The following RALGPS1 variants were observed in gnomAD, a reference collection of about 807,000 sequenced individuals.
RALGPS1 encodes ras-specific guanine nucleotide-releasing factor RalGPS1.
In RALGPS1, 19 loss-of-function variants were observed where a neutral mutation model predicts 78.8. The observed-to-expected ratio is 0.24, with a 90% CI of 0.17 to 0.35. RALGPS1 has a LOEUF of 0.35. RALGPS1 is among the 10% of genes least tolerant of loss of function. The pLI, the probability that RALGPS1 is intolerant of heterozygous loss-of-function variation, is 1.00. For missense variants in RALGPS1, 454 were observed against 688.3 expected (o/e 0.66, Z 3.81); for synonymous variants, 228 against 256.3 (o/e 0.89, Z 1.06).
chr9:126,918,535 C>G (rs193274669), intron 1 of RALGPS1, among the ~76,000 whole-genome samples: 28 of 152,202 alleles, frequency 1.8e-4, no homozygotes, highest in African/African-American at 6.5e-4. Context: ...GTTGCCCAGG[C>G]TGGTCTCGAA....
At chr9:126,989,205 A>G (rs2042064066) in intron 4 of RALGPS1, among the ~76,000 whole-genome samples, 1 of 152,160 alleles carries the variant, frequency 6.6e-6, no homozygotes. Context: ...AGGATTTCAG[A>G]GTTCAGGGTC....
intron 8 of RALGPS1, among the ~76,000 whole-genome samples, chr9:127,074,494 A>C (rs2050505131): frequency 6.6e-6 from 1 of 152,190 alleles, no homozygotes; most frequent in Admixed American, 6.5e-5. Context: ...ATCACACCTG[A>C]GGCTCATCAA....
intron 12 of RALGPS1, among the ~76,000 whole-genome samples, chr9:127,195,964 C>T (rs2061330319): frequency 1.3e-5 from 2 of 152,236 alleles, no homozygotes; most frequent in Non-Finnish European, 2.9e-5. Flanking sequence ...GTGCTAGACA[C>T]TCTGCATATG....
intron 8 of RALGPS1, among the ~76,000 whole-genome samples, chr9:127,072,743 G>A (rs1399356900): frequency 1.3e-5 from 2 of 152,100 alleles, no homozygotes; most frequent in Non-Finnish European, 1.5e-5. Context: ...AGAAATATAT[G>A]TTACAGTCCC....
Position 126,948,037 on chromosome 9 carries a change from A to G in RALGPS1, c.-65-14188A>G, listed in dbSNP as rs866524540. 5.7e-4 allele frequency among the ~76,000 whole-genome samples: 87 copies of G among 152,228 alleles called. 1 individual carries two copies. Among genetic ancestry groups the G allele is most frequent in the Admixed American group, 3.9e-4 (6 of 15,292 alleles). ...TTTCCCTTTATATTTATATCCCTGT[A>G]TATCCACACATATCAGAGTATCTGT... On this transcript the variant is annotated intron_variant, in intron 1 of 18. Coordinates refer to ENST00000259351, the MANE Select transcript of RALGPS1 (RefSeq NM_014636.3).
At chr9:127,025,904 T>C (rs940988020) in intron 4 of RALGPS1, among the ~76,000 whole-genome samples, 17 of 152,206 alleles carry the variant, frequency 1.1e-4, no homozygotes, top group African/African-American at 4.1e-4. Flanking sequence ...AGGGTTGCAC[T>C]ATATTGCCAG....
intron 5 of RALGPS1, among the ~76,000 whole-genome samples, chr9:127,048,203 C>T (rs1489212704): frequency 2.0e-5 from 3 of 152,068 alleles, no homozygotes; most frequent in East Asian, 1.9e-4. Context: ...CCACCCTCAT[C>T]GTCACTCACA....
intron 1 of RALGPS1, among the ~76,000 whole-genome samples, chr9:126,924,240 T>C (rs1488696669): frequency 1.1e-4 from 17 of 152,226 alleles, no homozygotes; most frequent in Admixed American, 7.9e-4. Flanking sequence ...GATGAAAGTG[T>C]CTGCTTCAGG....
At chr9:127,074,522 TG>T (rs1333036878) in intron 8 of RALGPS1, among the ~76,000 whole-genome samples, 9 of 152,200 alleles carry the variant, frequency 5.9e-5, no homozygotes, top group Admixed American at 1.3e-4. Context: ...ACAACGTTGA[TG>T]GTACTACCGT....
intron 3 of RALGPS1, among the ~76,000 whole-genome samples, chr9:126,973,373 A>G (rs1293549709): frequency 6.6e-6 from 1 of 152,128 alleles, no homozygotes; most frequent in Non-Finnish European, 1.5e-5. Context: ...CTCTCTCTAA[A>G]ATAGGTAGGT....
intron 5 of RALGPS1, among the ~76,000 whole-genome samples, chr9:127,043,788 T>G (rs2047521448): frequency 6.6e-6 from 1 of 152,114 alleles, no homozygotes; most frequent in Non-Finnish European, 1.5e-5. Context: ...GGGCAAAAGA[T>G]CTGAAGAAAG....
intron 11 of RALGPS1, chr9:127,178,239 G>A: frequency 2.7e-6 from 1 of 377,028 alleles, no homozygotes; most frequent in Non-Finnish European, 4.8e-6. Context: ...CCTTTCATTG[G>A]CCAAATCCAA....
At chr9:126,917,790 A>G (rs936923002) in intron 1 of RALGPS1, among the ~76,000 whole-genome samples, 2 of 152,158 alleles carry the variant, frequency 1.3e-5, no homozygotes, top group Non-Finnish European at 2.9e-5. Context: ...TGAGGCCTCT[A>G]TTTTTTATGT....
intron 4 of RALGPS1, among the ~76,000 whole-genome samples, chr9:126,980,499 C>A (rs368651792): frequency 3.3e-5 from 5 of 152,348 alleles, no homozygotes; most frequent in East Asian, 1.9e-4. Flanking sequence ...TTTGACTGGG[C>A]ACCCTAGTGG....
rs978651465 is a variant in RALGPS1, at chr9:127,212,805, A to C, written c.1446+86A>C. 1.3e-6 allele frequency: 2 copies of C among 1,532,942 alleles called. No homozygotes were observed. Among genetic ancestry groups the C allele is most frequent in the African/African-American group, 1.4e-5 (1 of 72,792 alleles). 95.0% of individuals were successfully genotyped at this position (1,532,942 alleles called of 1,614,324 possible). On this transcript the variant is annotated intron_variant, in intron 16 of 18. Coordinates refer to ENST00000259351, the MANE Select transcript of RALGPS1 (RefSeq NM_014636.3). This position sits in a 1 kb window ranked among gnomAD's most constrained non-coding sequence, Gnocchi z 6.0. ...GAACTGTGGAGGATGGGGGTGGGAA[A>C]GGGATCTGTGTGAACTGCGGAGGAT...
intron 8 of RALGPS1, among the ~76,000 whole-genome samples, chr9:127,162,581 G>T (rs2059082485): frequency 6.6e-6 from 1 of 152,180 alleles, no homozygotes; most frequent in Non-Finnish European, 1.5e-5. Flanking sequence ...GGAGCCAGGA[G>T]GCTTCCTTTT....
intron 11 of RALGPS1, among the ~76,000 whole-genome samples, chr9:127,194,327 C>G (rs2061238368): frequency 6.6e-6 from 1 of 152,208 alleles, no homozygotes; most frequent in Non-Finnish European, 1.5e-5. Flanking sequence ...TAGCTGTGCT[C>G]TTGCCCCTTT....
chr9:127,207,700 CCA>C (rs1037686631), intron 14 of RALGPS1, among the ~76,000 whole-genome samples: 4 of 152,298 alleles, frequency 2.6e-5, no homozygotes, highest in Non-Finnish European at 5.9e-5. Flanking sequence ...TGCCAGGCAG[CCA>C]GAGTTGCCCT....
chr9:127,186,706 A>C (rs1216696875), intron 11 of RALGPS1, among the ~76,000 whole-genome samples: 1 of 152,216 alleles, frequency 6.6e-6, no homozygotes, highest in African/African-American at 2.4e-5. Flanking sequence ...GCTGAGACCC[A>C]GAGCAGGGAG....
Sources: gnomAD v4.1 joint callset for allele counts (sites outside exome capture counted in the v4.1 genomes callset) on GRCh38, gnomAD v4.1.1 for gene constraint, Gnocchi (gnomAD v3.1) non-coding constraint, MANE v1.5 for transcripts, NCBI Gene and HGNC (gene_info 2026-07-23, HGNC 2026-07-21) for gene names.